DNAJC12: variants seen among roughly 807,000 people sequenced by gnomAD.
DNAJC12 encodes dnaJ homolog subfamily C member 12.
DNAJC12 carries 25 observed loss-of-function variants against 28.5 expected under a neutral mutation model. The observed-to-expected ratio is 0.88, with a 90% CI of 0.64 to 1.22. The LOEUF (loss-of-function observed/expected upper bound fraction) is 1.22, where lower values mean the gene tolerates loss of function less well. DNAJC12 is among the 50% of genes most tolerant of loss of function. The pLI, the probability that DNAJC12 is intolerant of heterozygous loss-of-function variation, is 0.00. For synonymous variants in DNAJC12, 77 were observed against 80.6 expected (o/e 0.95, Z 0.24); for missense variants, 222 against 231.7 (o/e 0.96, Z 0.27).
intron 4 of DNAJC12, among the ~76,000 whole-genome samples, chr10:67,801,032 T>A (rs1258811936): frequency 6.6e-6 from 1 of 152,240 alleles, no homozygotes; most frequent in East Asian, 1.9e-4. Context: ...AAGACATATT[T>A]ATTGCATATT....
chr10:67,798,193 C>G lies in DNAJC12; in HGVS notation c.503-983G>C, dbSNP rs533965695. On this transcript the variant is annotated intron_variant, in intron 4 of 4. Transcript: ENST00000225171. Reference sequence around the variant, plus strand: ...TAAATTTTTTTTGCAAACCAAGAAACATTCTAAACTTTAGCAAATGAAAGC... The same window carrying G: ...TAAATTTTTTTTGCAAACCAAGAAAGATTCTAAACTTTAGCAAATGAAAGC... 1.3e-5 allele frequency among the ~76,000 whole-genome samples: 2 copies of G among 151,932 alleles called. 1 individual carries two copies. The highest frequency in any genetic ancestry group is 4.8e-5 in the African/African-American group (2 of 41,406).
intron 2 of DNAJC12, among the ~76,000 whole-genome samples, chr10:67,815,028 T>C (rs2131800109): frequency 6.6e-6 from 1 of 152,256 alleles, no homozygotes; most frequent in African/African-American, 2.4e-5. Flanking sequence ...TGAAAACATA[T>C]GTCCACACAA....
intron 1 of DNAJC12, among the ~76,000 whole-genome samples, chr10:67,833,079 G>A (rs958370218): frequency 6.6e-6 from 1 of 152,176 alleles, no homozygotes; most frequent in Admixed American, 6.5e-5. Flanking sequence ...GTAGAAGAAA[G>A]CATCAGATTG....
intron 2 of DNAJC12, among the ~76,000 whole-genome samples, chr10:67,815,641 G>A (rs1000422106): frequency 2.0e-5 from 3 of 151,914 alleles, no homozygotes; most frequent in Admixed American, 6.6e-5. Context: ...TGTTGCTGAC[G>A]ACAATGTAAA....
Position 67,803,224 on chromosome 10 carries a change from A to T in DNAJC12, c.502+2359T>A, listed in dbSNP as rs2131789566. Among the ~76,000 whole-genome samples the T allele has an allele frequency of 2.0e-5, 3 of 152,280 alleles. No individual in the cohort carries two copies. In the East Asian group the frequency reaches 5.8e-4, roughly 29 times the overall value. ...CCATTATATAACTAAGAAGACATAG[A>T]TGCAGAGGGGTTAACTAGCTTGTCC... On this transcript the variant is annotated intron_variant, in intron 4 of 4. Coordinates refer to ENST00000225171, the MANE Select transcript of DNAJC12 (RefSeq NM_021800.3).
chr10:67,803,542 A>AT (rs887355074), intron 4 of DNAJC12, among the ~76,000 whole-genome samples: 1 of 152,176 alleles, frequency 6.6e-6, no homozygotes, highest in African/African-American at 2.4e-5. Context: ...CTAAATTACT[A>AT]TTTTTTTAAA....
chr10:67,801,836 CTTTTTTTTTTTTTTTTTTTTTTTT>C (rs577511924), intron 4 of DNAJC12, among the ~76,000 whole-genome samples: 13 of 26,122 alleles, frequency 5.0e-4, no homozygotes, highest in South Asian at 2.9e-3. Context: ...CCACTTCATT[CTTTTTTTTTTTTTTTTTTTTTTTT>C]TTTTTTTTTT....
At chr10:67,829,324 C>G (rs573060440) in intron 1 of DNAJC12, among the ~76,000 whole-genome samples, 1 of 152,088 alleles carries the variant, frequency 6.6e-6, no homozygotes, top group Non-Finnish European at 1.5e-5. Flanking sequence ...CTCAGCCAGC[C>G]GCCCCTCTCA....
At chr10:67,824,894 T>C (rs1301335189) in intron 1 of DNAJC12, among the ~76,000 whole-genome samples, 1 of 151,920 alleles carries the variant, frequency 6.6e-6, no homozygotes, top group African/African-American at 2.4e-5. Context: ...CCACCACGCC[T>C]GGCTAATTTT....
intron 4 of DNAJC12, among the ~76,000 whole-genome samples, chr10:67,801,836 C>CTTTTTTTTATTTTTTTTT (rs1841748478): frequency 3.8e-5 from 1 of 26,120 alleles, no homozygotes; most frequent in African/African-American, 1.3e-4. Context: ...CCACTTCATT[C>CTTTTTTTTATTTTTTTTT]TTTTTTTTTT....
At chr10:67,805,533 C>T (rs1386110275) in intron 4 of DNAJC12, 50 bp downstream of exon 4, 1 of 1,537,104 alleles carries the variant, frequency 6.5e-7, no homozygotes, top group Admixed American at 2.2e-5. Flanking sequence ...ATAAACAAAA[C>T]TCTTTAATTT....
Position 67,838,003 on chromosome 10 carries a change from T to G in DNAJC12, c.9A>C (p.Ala3=). The G allele has an allele frequency of 1.2e-6, 2 of 1,606,552 alleles. No homozygotes were observed. Among genetic ancestry groups the G allele is most frequent in the Non-Finnish European group, 8.5e-7 (1 of 1,176,110 alleles). Residue 3 remains alanine, a synonymous_variant, in exon 1 of 5, where the codon GCA becomes GCC. Transcript: ENST00000225171. The stretch of plus-strand genomic sequence containing the variant: ...TATCTTCTGACCTGTAATTCAGTAT[T>G]GCATCCATTTAGATGACTTAATCAG... MD[A]ILNYRSEDTE...
chr10:67,819,268 GC>G (rs1841947253), intron 2 of DNAJC12, among the ~76,000 whole-genome samples: 1 of 152,024 alleles, frequency 6.6e-6, no homozygotes, highest in Admixed American at 6.5e-5. Context: ...GGGAGGCGGA[GC>G]TTGCAGTGAA....
chr10:67,823,084 T>C (rs1478184430), intron 2 of DNAJC12, among the ~76,000 whole-genome samples: 1 of 152,108 alleles, frequency 6.6e-6, no homozygotes, highest in Non-Finnish European at 1.5e-5. Context: ...AGAAGAATTT[T>C]AAACCACAAA....
In DNAJC12 at chr10:67,805,638, C is replaced by G; in HGVS notation, c.447G>C (p.Gln149His). The G allele has an allele frequency of 3.7e-6, 6 of 1,613,564 alleles. No individual in the cohort carries two copies. The highest frequency in any genetic ancestry group is 5.1e-6 in the Non-Finnish European group (6 of 1,179,822). ...ACTTCTCTAGGGGCTTGGGTTCTTTCTGCTCCGTTTTCTCTGCGGTTGAAG... is the reference window on the plus strand; with the variant it reads ...ACTTCTCTAGGGGCTTGGGTTCTTTGTGCTCCGTTTTCTCTGCGGTTGAAG... The part of the protein sequence containing the change: ...ELASTAEKTE[Q>H]KEPKPLEKSV... The change falls in exon 4 of 5, where the codon CAG (glutamine) becomes CAC (histidine). Residue 149 changes from glutamine (Q) to histidine (H), a missense_variant. Transcript: ENST00000225171.
intron 2 of DNAJC12, among the ~76,000 whole-genome samples, chr10:67,819,875 A>C (rs1344279031): frequency 6.6e-6 from 1 of 152,030 alleles, no homozygotes; most frequent in Non-Finnish European, 1.5e-5. Flanking sequence ...CTCTTCAGTA[A>C]GTGCCATGCT....
At chr10:67,825,484 G>C (rs1842020251) in intron 1 of DNAJC12, 2 of 152,180 alleles carry the variant, frequency 1.3e-5, no homozygotes, top group Non-Finnish European at 2.9e-5. Context: ...GCTGAACTTA[G>C]TGTGGACACC....
At chr10:67,819,537 G>A (rs1841950484) in intron 2 of DNAJC12, among the ~76,000 whole-genome samples, 1 of 151,372 alleles carries the variant, frequency 6.6e-6, no homozygotes, top group South Asian at 2.1e-4. Context: ...TTCTCGGGAG[G>A]CTGAGGCACG....
intron 2 of DNAJC12, among the ~76,000 whole-genome samples, chr10:67,819,765 A>AGGAG (rs1841963304): frequency 2.0e-3 from 39 of 19,142 alleles, no homozygotes; most frequent in African/African-American, 5.8e-3. Flanking sequence ...GAAGGAAGGA[A>AGGAG]GGAAGGAAGG....
Sources: allele counts gnomAD v4.1 joint callset (sites outside exome capture counted in the v4.1 genomes callset), GRCh38; gene constraint gnomAD v4.1.1; transcripts MANE v1.5; gene names NCBI Gene and HGNC (gene_info 2026-07-23, HGNC 2026-07-21).